Variants in MBNL1 observed in about 807,000 individuals in gnomAD.
MBNL1 encodes muscleblind-like protein 1.
A neutral mutation model predicts 42.2 loss-of-function variants in MBNL1; 8 were observed. That is an observed-to-expected ratio of 0.19 (90% CI 0.11 to 0.34). The LOEUF (loss-of-function observed/expected upper bound fraction) is 0.34. Among genes scored for constraint, MBNL1 ranks in the 10% least tolerant of loss-of-function variants. MBNL1 has a pLI of 1.00. For synonymous variants in MBNL1, 169 were observed against 173.9 expected (o/e 0.97, Z 0.22); for missense variants, 309 against 495.3 (o/e 0.62, Z 3.57).
At chr3:152,455,454 A>C (rs983650946) in intron 6 of MBNL1, 88 bp from the exon 7 acceptor site, 65 of 1,075,812 alleles carry the variant, frequency 6.0e-5, no homozygotes, top group Non-Finnish European at 6.8e-5. Flanking sequence ...CTTTGTTCAA[A>C]TGAATTTTCT....
intron 2 of MBNL1, among the ~76,000 whole-genome samples, chr3:152,360,498 T>G (rs1340657891): frequency 6.6e-6 from 1 of 152,090 alleles, no homozygotes; most frequent in African/African-American, 2.4e-5. Flanking sequence ...TGTCCCCATC[T>G]CTCTCTGTCC....
At chr3:152,447,552 G>C in intron 5 of MBNL1, 68 bp from the exon 6 acceptor site, 1 of 1,282,840 alleles carries the variant, frequency 7.8e-7, no homozygotes, top group Non-Finnish European at 1.1e-6. Flanking sequence ...TTTAGCCTTC[G>C]ACTGATTTTT....
chr3:152,375,373 C>T (rs1195061067), intron 2 of MBNL1, among the ~76,000 whole-genome samples: 1 of 152,086 alleles, frequency 6.6e-6, no homozygotes, highest in East Asian at 1.9e-4. Flanking sequence ...AGATAAACAC[C>T]ACTGATTACT....
intron 2 of MBNL1, among the ~76,000 whole-genome samples, chr3:152,303,435 G>C (rs961733048): frequency 6.6e-6 from 1 of 152,070 alleles, no homozygotes. Context: ...AATTGCTTAC[G>C]TGCTATAGAT....
chr3:152,403,610 C>T (rs1402174730), intron 2 of MBNL1, among the ~76,000 whole-genome samples: 1 of 152,032 alleles, frequency 6.6e-6, no homozygotes, highest in Non-Finnish European at 1.5e-5. Context: ...GTTACTTTAG[C>T]TATTTGGGGA....
chr3:152,307,690 C>T (rs1182698899), intron 2 of MBNL1, among the ~76,000 whole-genome samples: 2 of 152,232 alleles, frequency 1.3e-5, no homozygotes, highest in Admixed American at 6.5e-5. Context: ...TCTGATTTCA[C>T]AGCCTGTACT....
chr3:152,264,657 A>C (rs1275162009), upstream of MBNL1: 1 of 152,210 alleles, frequency 6.6e-6, no homozygotes, highest in African/African-American at 2.4e-5. Flanking sequence ...CTAACATTCC[A>C]TTCAATGCTA....
chr3:152,401,764 G>A (rs535047472), intron 2 of MBNL1, among the ~76,000 whole-genome samples: 8 of 152,216 alleles, frequency 5.3e-5, no homozygotes, highest in African/African-American at 1.4e-4. Context: ...GGTGGCTCAC[G>A]CCTGTAATCC....
At chr3:152,288,668 T>C (rs144661086) in intron 1 of MBNL1, among the ~76,000 whole-genome samples, 4 of 152,306 alleles carry the variant, frequency 2.6e-5, no homozygotes, top group Admixed American at 2.6e-4. Context: ...AACTACACAT[T>C]TTCCTTTTGT....
At chr3:152,373,209 A>G (rs1578940628) in intron 2 of MBNL1, among the ~76,000 whole-genome samples, 2 of 152,112 alleles carry the variant, frequency 1.3e-5, no homozygotes, top group African/African-American at 4.8e-5. Flanking sequence ...AAGAATTTCA[A>G]GCCAGTGGAT....
chr3:152,414,615 T>C (rs2098664668), intron 2 of MBNL1, among the ~76,000 whole-genome samples: 2 of 152,196 alleles, frequency 1.3e-5, no homozygotes, highest in African/African-American at 4.8e-5. Context: ...AAGCCTGATA[T>C]TCTTTGTTTG....
At chr3:152,370,941 CTCTT>C (rs2096633847) in intron 2 of MBNL1, among the ~76,000 whole-genome samples, 1 of 151,870 alleles carries the variant, frequency 6.6e-6, no homozygotes, top group South Asian at 2.1e-4. Flanking sequence ...TGGATCTTGA[CTCTT>C]TATTCAATTT....
At chr3:152,316,247 C>T (rs1027084575) in intron 2 of MBNL1, among the ~76,000 whole-genome samples, 1 of 152,154 alleles carries the variant, frequency 6.6e-6, no homozygotes, top group Middle Eastern at 3.2e-3. Context: ...GTTAAACCTG[C>T]GGCCTCAAAC....
chr3:152,388,115 C>A (rs1167116554), intron 2 of MBNL1, among the ~76,000 whole-genome samples: 2 of 152,166 alleles, frequency 1.3e-5, no homozygotes, highest in African/African-American at 2.4e-5. Flanking sequence ...TGGTTTTTAA[C>A]ATTCAGGAAC....
chr3:152,269,321 C>G lies in MBNL1; in HGVS notation c.-790+229C>G, dbSNP rs548475740. ...CCTGCGCCCTTCCCTGCCGCGGGCT[C>G]TGCGGACGCTGTCACGGCACAGCCC... On this transcript the variant is annotated intron_variant, in intron 1 of 9. Coordinates refer to ENST00000324210, the MANE Select transcript of MBNL1 (RefSeq NM_021038.5). The G allele has an allele frequency of 1.7e-5, 6 of 349,094 alleles. No homozygotes were observed. The East Asian group carries it at 4.9e-4, about 29-fold the overall frequency. 21.6% of individuals were successfully genotyped at this position (349,094 alleles called of 1,614,324 possible).
At chr3:152,460,583 G>T (rs1743735914) in intron 9 of MBNL1, among the ~76,000 whole-genome samples, 1 of 148,848 alleles carries the variant, frequency 6.7e-6, no homozygotes. Flanking sequence ...CCTGCACAAT[G>T]TGCACATGTA....
chr3:152,362,864 T>A (rs1302686034), intron 2 of MBNL1, among the ~76,000 whole-genome samples: 1 of 152,166 alleles, frequency 6.6e-6, no homozygotes, highest in African/African-American at 2.4e-5. Context: ...ACATCTGTAC[T>A]TGTAGAGATA....
At chr3:152,344,858 C>CT (rs2093963085) in intron 2 of MBNL1, among the ~76,000 whole-genome samples, 1 of 152,084 alleles carries the variant, frequency 6.6e-6, no homozygotes, top group Non-Finnish European at 1.5e-5. Context: ...CCTGCTCTCT[C>CT]TGTATACACA....
At chr3:152,459,181 T>A in intron 8 of MBNL1, 90 bp from the exon 9 acceptor site, 6 of 660,282 alleles carry the variant, frequency 9.1e-6, no homozygotes, top group Non-Finnish European at 1.5e-5. Flanking sequence ...ATTTCACTTT[T>A]CTTTAAAAAT....
Sources: gnomAD v4.1 joint callset for allele counts (sites outside exome capture counted in the v4.1 genomes callset) on GRCh38, gnomAD v4.1.1 for gene constraint, MANE v1.5 for transcripts, NCBI Gene and HGNC (gene_info 2026-07-23, HGNC 2026-07-21) for gene names.